NTRK2: variants seen among roughly 807,000 people sequenced by gnomAD.
NTRK2 encodes neurotrophic receptor tyrosine kinase 2, also known as BDNF/NT-3 growth factors receptor.
Under a neutral mutation model 94.5 loss-of-function variants are expected in NTRK2, and 13 were observed. The ratio of observed to expected loss-of-function variants is 0.14; its 90% CI spans 0.09 to 0.22. The LOEUF is 0.22. NTRK2 is among the 10% of genes least tolerant of loss of function. The pLI is 1.00. For synonymous variants in NTRK2, 372 were observed against 407.4 expected (o/e 0.91, Z 1.05); for missense variants, 639 against 1,071.2 (o/e 0.60, Z 5.63).
chr9:84,819,325 A>T (rs961229515), intron 12 of NTRK2, among the ~76,000 whole-genome samples: 2 of 152,234 alleles, frequency 1.3e-5, no homozygotes, highest in African/African-American at 4.8e-5. Flanking sequence ...TTTCACCTCA[A>T]GCCCCTTGAG....
chr9:84,681,358 A>T (rs1735081102), intron 2 of NTRK2, among the ~76,000 whole-genome samples: 1 of 152,082 alleles, frequency 6.6e-6, no homozygotes, highest in Admixed American at 6.6e-5. Flanking sequence ...TGTAACCCCT[A>T]CACTCATTCA....
chr9:84,710,858 T>C, intron 6 of NTRK2, 67 bp downstream of exon 6: 8 of 1,529,478 alleles, frequency 5.2e-6, no homozygotes, highest in Non-Finnish European at 7.2e-6. Flanking sequence ...GGTGCGGTAG[T>C]CTGGGAAAAT....
At chr9:84,931,716 C>CAAAA (rs11395381) in intron 14 of NTRK2, among the ~76,000 whole-genome samples, 121 of 100,276 alleles carry the variant, frequency 1.2e-3, no homozygotes, top group Admixed American at 4.5e-3. Context: ...TAATAAAATG[C>CAAAA]AAAAAAAAAA....
At chr9:84,761,241 G>A (rs1337316804) in intron 12 of NTRK2, among the ~76,000 whole-genome samples, 1 of 152,124 alleles carries the variant, frequency 6.6e-6, no homozygotes, top group Non-Finnish European at 1.5e-5. Context: ...CTGGATTGAA[G>A]CAGAAGAGTC....
intron 17 of NTRK2, among the ~76,000 whole-genome samples, chr9:85,008,620 T>C (rs1831229440): frequency 6.6e-6 from 1 of 152,130 alleles, no homozygotes; most frequent in African/African-American, 2.4e-5. Flanking sequence ...CCAGATTCTA[T>C]GAATAAAAAA....
intron 14 of NTRK2, among the ~76,000 whole-genome samples, chr9:84,931,717 AAAAAAAAAAAAAAC>A (rs1244676289): frequency 1.3e-5 from 1 of 75,008 alleles, no homozygotes; most frequent in Non-Finnish European, 2.3e-5. Context: ...AATAAAATGC[AAAAAAAAAAAAAAC>A]AAAAAAAACC....
chr9:84,909,351 T>A (rs2077170198), intron 14 of NTRK2, among the ~76,000 whole-genome samples: 1 of 152,110 alleles, frequency 6.6e-6, no homozygotes, highest in African/African-American at 2.4e-5. Context: ...TGTTTTTTGG[T>A]TTTGGCTATT....
intron 2 of NTRK2, among the ~76,000 whole-genome samples, chr9:84,698,238 T>C (rs1051030831): frequency 3.3e-5 from 5 of 152,160 alleles, no homozygotes; most frequent in African/African-American, 1.2e-4. Context: ...GTGAACACTA[T>C]GTGATATTAT....
chr9:84,774,638 T>C (rs1305194565), intron 12 of NTRK2, among the ~76,000 whole-genome samples: 1 of 152,232 alleles, frequency 6.6e-6, no homozygotes, highest in African/African-American at 2.4e-5. Flanking sequence ...GGCTGGTTTC[T>C]GTAGTCCAGT....
intron 12 of NTRK2, among the ~76,000 whole-genome samples, chr9:84,829,516 A>T (rs2073401109): frequency 6.6e-6 from 1 of 152,200 alleles, no homozygotes; most frequent in African/African-American, 2.4e-5. Context: ...CTCTAAACGA[A>T]ATAGCCAAAT....
intron 12 of NTRK2, among the ~76,000 whole-genome samples, chr9:84,794,024 T>A (rs1254664250): frequency 1.3e-5 from 2 of 152,170 alleles, no homozygotes; most frequent in African/African-American, 4.8e-5. Context: ...GACAACTAAG[T>A]TGACTTTGTA....
chr9:84,875,936 T>A (rs2132152965), intron 14 of NTRK2: 3 of 1,037,918 alleles, frequency 2.9e-6, no homozygotes, highest in East Asian at 1.2e-4. Context: ...GTTCCTGTGA[T>A]GTAAGAGATT....
intron 11 of NTRK2, among the ~76,000 whole-genome samples, chr9:84,751,007 C>T (rs186752227): frequency 6.6e-6 from 1 of 152,274 alleles, no homozygotes; most frequent in East Asian, 1.9e-4. Context: ...CTGGCAATTA[C>T]ATTTTTAAAC....
intron 12 of NTRK2, among the ~76,000 whole-genome samples, chr9:84,771,504 G>A (rs1390327099): frequency 6.6e-6 from 1 of 152,122 alleles, no homozygotes; most frequent in Non-Finnish European, 1.5e-5. Context: ...ATTATTCACT[G>A]CTGACACAAG....
chr9:85,001,757 G>A lies in NTRK2; in HGVS notation c.2173-18449G>A, dbSNP rs116642866. 6.5e-3 allele frequency among the ~76,000 whole-genome samples: 986 copies of A among 152,372 alleles called. 11 individuals are homozygous for A. The highest frequency in any genetic ancestry group is 0.022 in the African/African-American group (931 of 41,590). On this transcript the variant is annotated intron_variant, in intron 17 of 18. Coordinates refer to ENST00000277120, the MANE Select transcript of NTRK2 (RefSeq NM_006180.6). ...AAGGTAGTGGGCCATTATAGGGCCC[G>A]TGCCATAATTGGGGCAGAAGTTGGA...
chr9:84,725,982 C>T (rs1209116345), intron 8 of NTRK2, among the ~76,000 whole-genome samples: 1 of 152,072 alleles, frequency 6.6e-6, no homozygotes. Flanking sequence ...GTCCTTTTAT[C>T]GGCTTTGCTT....
At chr9:84,817,063 T>C (rs1564345630) in intron 12 of NTRK2, among the ~76,000 whole-genome samples, 1 of 152,176 alleles carries the variant, frequency 6.6e-6, no homozygotes, top group Non-Finnish European at 1.5e-5. Context: ...AATAGTACAA[T>C]ATTTACCTCA....
intron 14 of NTRK2, chr9:84,877,242 G>A (rs1245139811): frequency 9.4e-7 from 1 of 1,065,646 alleles, no homozygotes; most frequent in Non-Finnish European, 1.1e-6. Flanking sequence ...TAACATCTCA[G>A]TGTCCTCTTT....
intron 14 of NTRK2, among the ~76,000 whole-genome samples, chr9:84,896,210 G>T (rs1374454472): frequency 2.0e-5 from 3 of 152,184 alleles, no homozygotes; most frequent in East Asian, 1.9e-4. Flanking sequence ...CATCATTAGG[G>T]TGAACAAGCA....
Sources: allele counts gnomAD v4.1 joint callset (sites outside exome capture counted in the v4.1 genomes callset), GRCh38; gene constraint gnomAD v4.1.1; transcripts MANE v1.5; gene names NCBI Gene and HGNC (gene_info 2026-07-23, HGNC 2026-07-21).